Variants in ESR1 observed in about 807,000 individuals in gnomAD.
The protein encoded by ESR1 is estrogen receptor.
Under a neutral mutation model 52.7 loss-of-function variants are expected in ESR1, and 12 were observed. That is an observed-to-expected ratio of 0.23 (90% CI 0.15 to 0.37). ESR1 has a LOEUF of 0.37. Among genes scored for constraint, ESR1 ranks in the 10% least tolerant of loss-of-function variants. ESR1 has a pLI of 1.00. For missense variants in ESR1, 584 were observed against 779.7 expected (o/e 0.75, Z 2.99); for synonymous variants, 305 against 316.8 (o/e 0.96, Z 0.39).
At chr6:152,088,287 CAAG>C (rs1447057009) in intron 6 of ESR1, among the ~76,000 whole-genome samples, 6 of 151,878 alleles carry the variant, frequency 4.0e-5, no homozygotes, top group Non-Finnish European at 8.8e-5. Flanking sequence ...GCTTTTTGTC[CAAG>C]AAGTACAGGC....
At chr6:152,014,027 T>C (rs1221453628) in intron 5 of ESR1, among the ~76,000 whole-genome samples, 6 of 152,154 alleles carry the variant, frequency 3.9e-5, no homozygotes, top group African/African-American at 1.4e-4. Context: ...GCTCCTCTCA[T>C]GACAGTGAAT....
At chr6:151,706,588 G>A (rs748410809) in intron 2 of ESR1, among the ~76,000 whole-genome samples, 1 of 152,144 alleles carries the variant, frequency 6.6e-6, no homozygotes, top group African/African-American at 2.4e-5. Context: ...TGGGATAAGA[G>A]CAAAGCTTAT....
At chr6:151,954,483 G>GAAT (rs2036681416) in intron 4 of ESR1, among the ~76,000 whole-genome samples, 1 of 152,154 alleles carries the variant, frequency 6.6e-6, no homozygotes, top group Admixed American at 6.5e-5. Context: ...TTTTTAGGGG[G>GAAT]AATTAAAGTT....
chr6:151,733,622 C>A (rs796443250), intron 2 of ESR1, among the ~76,000 whole-genome samples: 3 of 152,242 alleles, frequency 2.0e-5, no homozygotes, highest in African/African-American at 7.2e-5. Flanking sequence ...GTTGAAAAGA[C>A]CTTGCATTTA....
At chr6:151,859,993 C>T (rs1475468906) in intron 2 of ESR1, among the ~76,000 whole-genome samples, 1 of 152,162 alleles carries the variant, frequency 6.6e-6, no homozygotes, top group Non-Finnish European at 1.5e-5. Flanking sequence ...GGCATCATTA[C>T]CTCTTGTTGG....
In ESR1 at chr6:151,708,800, A is replaced by G. The variant is rs369908871; in HGVS notation, c.-71+6795A>G. Among the ~76,000 whole-genome samples the G allele has an allele frequency of 5.9e-5, 9 of 152,302 alleles. No homozygotes were observed. In the East Asian group the frequency reaches 1.7e-3, roughly 29 times the overall value. ...TGTAAAAGTTCTTTGACTATTACAG[A>G]TTTTAAAAACTGGCAGATAAAGTTG... On this transcript the variant is annotated intron_variant, in intron 2 of 2. Transcript: ENST00000404742.
chr6:151,858,076 T>G (rs1417038416), intron 2 of ESR1, among the ~76,000 whole-genome samples: 3 of 152,222 alleles, frequency 2.0e-5, no homozygotes, highest in African/African-American at 7.2e-5. Context: ...ACCAAATCTT[T>G]ACACTTTATT....
chr6:152,040,621 G>C (rs1270162162), intron 5 of ESR1, among the ~76,000 whole-genome samples: 1 of 152,194 alleles, frequency 6.6e-6, no homozygotes, highest in Non-Finnish European at 1.5e-5. Context: ...TGCACAGCCA[G>C]GGGCACTGCT....
At chr6:151,830,264 C>T (rs1392805354) in intron 1 of ESR1, among the ~76,000 whole-genome samples, 1 of 152,092 alleles carries the variant, frequency 6.6e-6, no homozygotes, top group Non-Finnish European at 1.5e-5. Context: ...TCCTTCTGGG[C>T]TCCTTTCTCT....
chr6:151,902,478 A>G (rs1461253690), intron 3 of ESR1, among the ~76,000 whole-genome samples: 2 of 152,148 alleles, frequency 1.3e-5, no homozygotes, highest in African/African-American at 2.4e-5. Flanking sequence ...CTATTCTGAG[A>G]CTCAAAGACA....
chr6:151,817,968 C>T (rs1023778581), intron 1 of ESR1, among the ~76,000 whole-genome samples: 4 of 152,118 alleles, frequency 2.6e-5, no homozygotes, highest in Admixed American at 6.6e-5. Context: ...GTTGGAAAGT[C>T]CTGTAAGTTT....
At chr6:151,898,384 A>ATTTT (rs371510396) in intron 3 of ESR1, among the ~76,000 whole-genome samples, 4 of 101,218 alleles carry the variant, frequency 4.0e-5, no homozygotes, top group Admixed American at 1.0e-4. Flanking sequence ...GGTTTTGTTC[A>ATTTT]TTTTTTTTTT....
At chr6:151,821,991 AC>A (rs1432058816) in intron 1 of ESR1, among the ~76,000 whole-genome samples, 1 of 152,206 alleles carries the variant, frequency 6.6e-6, no homozygotes, top group Non-Finnish European at 1.5e-5. Context: ...GTGGGTTGTA[AC>A]TGTACTACAC....
chr6:151,790,226 T>C (rs1787398970), intron 2 of ESR1, among the ~76,000 whole-genome samples: 1 of 152,222 alleles, frequency 6.6e-6, no homozygotes, highest in South Asian at 2.1e-4. Context: ...CTCTTGCATG[T>C]GGCCCACATG....
intron 2 of ESR1, among the ~76,000 whole-genome samples, chr6:151,755,717 G>A (rs937829982): frequency 2.0e-5 from 3 of 151,278 alleles, no homozygotes; most frequent in East Asian, 1.9e-4. Context: ...TGCAACTTCC[G>A]CCTCCCAGAT....
chr6:151,757,299 T>C (rs1056659597), intron 2 of ESR1, among the ~76,000 whole-genome samples: 3 of 152,160 alleles, frequency 2.0e-5, no homozygotes, highest in African/African-American at 7.2e-5. Context: ...ACTCTGACCT[T>C]AGAAGACTCT....
chr6:151,841,998 C>T (rs897830584), intron 1 of ESR1, among the ~76,000 whole-genome samples: 9 of 152,178 alleles, frequency 5.9e-5, no homozygotes, highest in Admixed American at 2.0e-4. Context: ...GGATTCCAGG[C>T]ATGAACCACC....
At chr6:152,002,057 G>A (rs722207) in intron 4 of ESR1, among the ~76,000 whole-genome samples, 52,526 of 151,674 alleles carry the variant, frequency 0.35, 10,114 homozygotes, top group East Asian at 0.54. Flanking sequence ...TAAAACTCCC[G>A]TTTCGACATT....
At chr6:151,784,166 C>T (rs1453096743) in intron 2 of ESR1, among the ~76,000 whole-genome samples, 3 of 152,196 alleles carry the variant, frequency 2.0e-5, no homozygotes, top group Non-Finnish European at 4.4e-5. Context: ...TCACTCTGCA[C>T]AGCTCACAAT....
Sources: gnomAD v4.1 joint callset for allele counts (sites outside exome capture counted in the v4.1 genomes callset) on GRCh38, gnomAD v4.1.1 for gene constraint, MANE v1.5 for transcripts, NCBI Gene and HGNC (gene_info 2026-07-23, HGNC 2026-07-21) for gene names.